Variants in DHRS7B observed in about 807,000 individuals in gnomAD.
The protein encoded by DHRS7B is peroxisomal reductase activating PPAR-gamma.
Under a neutral mutation model 26.4 loss-of-function variants are expected in DHRS7B, and 24 were observed. The observed-to-expected ratio is 0.91, with a 90% CI of 0.66 to 1.28. The LOEUF is 1.28. Ranked by LOEUF, DHRS7B falls within the 50% of genes most tolerant of loss-of-function variation. The pLI is 0.00. For synonymous variants in DHRS7B, 142 were observed against 166.4 expected, an observed-to-expected ratio of 0.85 and a Z score of 1.13; for missense variants, 368 against 419.4, an observed-to-expected ratio of 0.88 and a Z score of 1.07.
intron 1 of DHRS7B, among the ~76,000 whole-genome samples, chr17:21,164,960 G>C (rs962472141): frequency 4.6e-5 from 7 of 152,206 alleles, no homozygotes; most frequent in African/African-American, 1.7e-4. Context: ...GGCTGCTATT[G>C]CTTGGAACGT....
At chr17:21,140,619 T>C (rs1283804009) in intron 1 of DHRS7B, among the ~76,000 whole-genome samples, 3 of 151,216 alleles carry the variant, frequency 2.0e-5, no homozygotes, top group Non-Finnish European at 4.4e-5. Context: ...AAATATCTTG[T>C]TGGATCTAAA....
At chr17:21,157,553 G>T (rs927242307) in intron 1 of DHRS7B, among the ~76,000 whole-genome samples, 5 of 152,156 alleles carry the variant, frequency 3.3e-5, no homozygotes, top group Admixed American at 1.3e-4. Flanking sequence ...AATCAGCCAG[G>T]TGTGGTAGTG....
chr17:21,187,248 G>A (rs992682697), intron 5 of DHRS7B, among the ~76,000 whole-genome samples: 9 of 151,778 alleles, frequency 5.9e-5, no homozygotes, highest in African/African-American at 2.2e-4. Flanking sequence ...TTGAGGCCAG[G>A]AAGTCGAGGC....
intron 2 of DHRS7B, among the ~76,000 whole-genome samples, chr17:21,174,476 G>A (rs1049168498): frequency 6.6e-6 from 1 of 152,186 alleles, no homozygotes; most frequent in Non-Finnish European, 1.5e-5. Context: ...TTCATATATC[G>A]TACCTTGGAG....
intron 1 of DHRS7B, among the ~76,000 whole-genome samples, chr17:21,153,999 G>A (rs750435973): frequency 6.6e-6 from 1 of 152,108 alleles, no homozygotes; most frequent in Non-Finnish European, 1.5e-5. Flanking sequence ...GCTACCTATA[G>A]AGGAGGAGAG....
rs1390515643 is a variant in DHRS7B, at chr17:21,138,083, T to A, written c.20+11092T>A. Reference sequence around the variant, plus strand: ...GCCTCTTTTAAAAAAAAAATATATATATATATATATATATATATACACACA... The same window carrying A: ...GCCTCTTTTAAAAAAAAAATATATAAATATATATATATATATATACACACA... On this transcript the variant is annotated intron_variant, in intron 1 of 6. Transcript: ENST00000395511. Among the ~76,000 whole-genome samples, 110 of 96,882 alleles carry A rather than the reference T, an allele frequency of 1.1e-3. 4 individuals are homozygous for A. Among genetic ancestry groups the A allele is most frequent in the African/African-American group, 2.5e-3 (51 of 20,106 alleles). The allele number at this position is 96,882 out of a possible 152,430, so 63.6% of individuals were successfully genotyped here. A position where few individuals can be genotyped will look rare whatever the true frequency, so the allele number is the denominator to read the frequency against.
chr17:21,186,824 G>C (rs1481830899), intron 5 of DHRS7B, among the ~76,000 whole-genome samples: 1 of 152,194 alleles, frequency 6.6e-6, no homozygotes, highest in African/African-American at 2.4e-5. Flanking sequence ...TGCAGGTGGA[G>C]TAAGCTCTAT....
chr17:21,168,974 G>A, intron 1 of DHRS7B: 1 of 945,668 alleles, frequency 1.1e-6, no homozygotes, highest in South Asian at 4.9e-5. Context: ...GCAATTTGTT[G>A]GGAACTTTAA....
Position 21,183,756 on chromosome 17 carries a change from G to A in DHRS7B, c.472G>A (p.Val158Met). The stretch of plus-strand genomic sequence containing the variant: ...TACCATCATGGACACCACAGTGGAT[G>A]TGGACAAGAGGGTCATGGAGACAAA... The part of the protein sequence containing the change: ...RGTIMDTTVD[V>M]DKRVMETNYF... Residue 158 changes from valine (V) to methionine (M), a missense_variant, in exon 4 of 7, where the codon GTG becomes ATG. Coordinates refer to ENST00000395511, the MANE Select transcript of DHRS7B (RefSeq NM_015510.5). The A allele has an allele frequency of 6.2e-7, 1 of 1,614,248 alleles. No individual in the cohort carries two copies. Among genetic ancestry groups the A allele is most frequent in the Non-Finnish European group, 8.5e-7 (1 of 1,180,044 alleles).
intron 1 of DHRS7B, among the ~76,000 whole-genome samples, chr17:21,169,069 T>A (rs917698416): frequency 1.3e-5 from 2 of 152,194 alleles, no homozygotes; most frequent in African/African-American, 4.8e-5. Flanking sequence ...GAGGGACATT[T>A]TAGTACCTGT....
At chr17:21,172,240 G>C (rs768707950) in intron 2 of DHRS7B, 44 bp downstream of exon 2, 1 of 1,574,414 alleles carries the variant, frequency 6.4e-7, no homozygotes, top group Non-Finnish European at 8.6e-7. Flanking sequence ...GGGTAAGTCA[G>C]CCAGGGATGA....
At position 21,130,994 on chromosome 17, in the gene DHRS7B, C is replaced by T. The variant is rs889914362; in HGVS notation, c.20+4003C>T. On this transcript the variant is annotated intron_variant, in intron 1 of 6. Coordinates refer to ENST00000395511, the MANE Select transcript of DHRS7B (RefSeq NM_015510.5). ...TAGGATTTTACCTGAGCTCTCCCTC[C>T]TATCTTCTAAAGTTCCCAGTAACAT... Among the ~76,000 whole-genome samples, 20 of 152,146 alleles carry T rather than the reference C, an allele frequency of 1.3e-4. 1 individual carries two copies. The highest frequency in any genetic ancestry group is 1.3e-3 in the Admixed American group (20 of 15,280).
At chr17:21,152,547 G>A (rs1209604797) in intron 1 of DHRS7B, among the ~76,000 whole-genome samples, 2 of 152,174 alleles carry the variant, frequency 1.3e-5, no homozygotes, top group Admixed American at 6.5e-5. Flanking sequence ...CATGCTTTCC[G>A]TAAGTTTTAC....
At chr17:21,137,833 C>T (rs1164159950) in intron 1 of DHRS7B, among the ~76,000 whole-genome samples, 2 of 151,044 alleles carry the variant, frequency 1.3e-5, no homozygotes, top group East Asian at 2.0e-4. Flanking sequence ...CTCCCAACCT[C>T]GTGATCTGCT....
At chr17:21,145,264 G>T (rs534540307) in intron 1 of DHRS7B, among the ~76,000 whole-genome samples, 1 of 151,780 alleles carries the variant, frequency 6.6e-6, no homozygotes, top group Non-Finnish European at 1.5e-5. Context: ...GTGGAGCTTG[G>T]AGTAAGCCGG....
intron 1 of DHRS7B, among the ~76,000 whole-genome samples, chr17:21,140,682 A>C (rs2143918640): frequency 6.6e-6 from 1 of 152,254 alleles, no homozygotes; most frequent in East Asian, 1.9e-4. Flanking sequence ...GCAGGCAGAA[A>C]AGAAAAAATA....
At chr17:21,173,976 A>C (rs1597752559) in intron 2 of DHRS7B, among the ~76,000 whole-genome samples, 2 of 152,262 alleles carry the variant, frequency 1.3e-5, no homozygotes, top group East Asian at 3.9e-4. Flanking sequence ...AATGTCACGG[A>C]GGTCACCAGA....
chr17:21,168,677 G>A (rs886917354), intron 1 of DHRS7B: 1 of 982,792 alleles, frequency 1.0e-6, no homozygotes, highest in African/African-American at 1.7e-5. Flanking sequence ...CCTTGGCACT[G>A]GCTTTTAATT....
chr17:21,178,128 A>G (rs745383117), intron 2 of DHRS7B, 105 bp from the exon 3 acceptor site: 40 of 1,113,702 alleles, frequency 3.6e-5, no homozygotes, highest in Admixed American at 1.2e-4. Context: ...AGGGGCCAAC[A>G]CAGACCTGTG....
Sources: allele counts gnomAD v4.1 joint callset (sites outside exome capture counted in the v4.1 genomes callset), GRCh38; gene constraint gnomAD v4.1.1; transcripts MANE v1.5; gene names NCBI Gene and HGNC (gene_info 2026-07-23, HGNC 2026-07-21).